The following RIMS2 variants were observed in gnomAD, a reference collection of about 807,000 sequenced individuals.
RIMS2 encodes regulating synaptic membrane exocytosis protein 2.
Under a neutral mutation model 174.4 loss-of-function variants are expected in RIMS2, and 59 were observed. The observed-to-expected ratio is 0.34, with a 90% confidence interval of 0.27 to 0.42. The LOEUF (loss-of-function observed/expected upper bound fraction) is 0.42. Ranked by LOEUF, RIMS2 falls within the 10% of genes least tolerant of loss-of-function variation. The pLI is 1.00. For missense variants in RIMS2, 1,620 were observed against 1,666.3 expected, an observed-to-expected ratio of 0.97 and a Z score of 0.48; for synonymous variants, 606 against 572.5, an observed-to-expected ratio of 1.06 and a Z score of -0.84.
At chr8:103,925,202 A>G (rs2078528734) in intron 10 of RIMS2, among the ~76,000 whole-genome samples, 1 of 151,614 alleles carries the variant, frequency 6.6e-6, no homozygotes, top group Non-Finnish European at 1.5e-5. Flanking sequence ...AGTTGATACT[A>G]TTGATAATCA....
chr8:103,880,517 G>T, intron 3 of RIMS2: 1 of 383,836 alleles, frequency 2.6e-6, no homozygotes. Context: ...ACTTAGTTTT[G>T]AAATAAAACA....
chr8:103,597,912 G>A (rs1370624755), intron 1 of RIMS2, among the ~76,000 whole-genome samples: 2 of 151,954 alleles, frequency 1.3e-5, no homozygotes, highest in South Asian at 2.1e-4. Flanking sequence ...GGCTATATCC[G>A]ATATTGCACT....
chr8:104,190,017 C>T (rs1362757096), intron 19 of RIMS2, among the ~76,000 whole-genome samples: 1 of 151,948 alleles, frequency 6.6e-6, no homozygotes, highest in African/African-American at 2.4e-5. Flanking sequence ...GAGTGACAGA[C>T]ACATATTACA....
intron 19 of RIMS2, among the ~76,000 whole-genome samples, chr8:104,183,211 A>T (rs1335383401): frequency 6.6e-6 from 1 of 151,700 alleles, no homozygotes; most frequent in Non-Finnish European, 1.5e-5. Context: ...AATTGATATA[A>T]TTTTTCTAAT....
chr8:103,697,200 A>C, exon 2 of RIMS2: 1 of 1,613,810 alleles, frequency 6.2e-7, no homozygotes, highest in Non-Finnish European at 8.5e-7. Context: ...TCTGCCACAA[A>C]ACAAAGTTTG....
At chr8:103,737,288 A>G (rs1266834761) in intron 2 of RIMS2, among the ~76,000 whole-genome samples, 1 of 137,594 alleles carries the variant, frequency 7.3e-6, no homozygotes, top group Non-Finnish European at 1.5e-5. Context: ...GGTTCAAGTG[A>G]TTCTCCTGCC....
chr8:104,041,040 G>A (rs2096599792), intron 19 of RIMS2, among the ~76,000 whole-genome samples: 1 of 151,580 alleles, frequency 6.6e-6, no homozygotes, highest in African/African-American at 2.4e-5. Flanking sequence ...TGGTGTTCAG[G>A]ATTTGCTGTA....
chr8:104,049,248 C>T (rs942503390), intron 19 of RIMS2, among the ~76,000 whole-genome samples: 11 of 151,868 alleles, frequency 7.2e-5, no homozygotes, highest in Non-Finnish European at 1.5e-5. Flanking sequence ...CGGTGAAACC[C>T]CATCTCTACT....
At chr8:104,187,139 A>T (rs1237320844) in intron 19 of RIMS2, among the ~76,000 whole-genome samples, 2 of 151,806 alleles carry the variant, frequency 1.3e-5, no homozygotes, top group Admixed American at 6.6e-5. Context: ...TTTGGAGATG[A>T]GGTAATCTAT....
downstream of RIMS2, chr8:104,254,026 T>G (rs1446508289): frequency 6.6e-6 from 1 of 152,238 alleles, no homozygotes; most frequent in Non-Finnish European, 1.5e-5. Context: ...TTAATAGACC[T>G]ATAGTGTCTA....
chr8:103,972,672 G>C (rs1338327328), intron 15 of RIMS2, among the ~76,000 whole-genome samples: 2 of 151,942 alleles, frequency 1.3e-5, no homozygotes, highest in Non-Finnish European at 2.9e-5. Flanking sequence ...GCTACCTTGG[G>C]GCCTTTTCAC....
chr8:104,241,207 T>G (rs2099291225), intron 19 of RIMS2, among the ~76,000 whole-genome samples: 1 of 152,144 alleles, frequency 6.6e-6, no homozygotes, highest in Admixed American at 6.6e-5. Flanking sequence ...TTAGTTATAT[T>G]CTGACAGTGA....
At position 103,931,288 on chromosome 8, in the gene RIMS2, G is replaced by A. The variant is rs1183573103; in HGVS notation, c.2270G>A (p.Gly757Asp). ...ATAAAACTATGGTTTGACAAGGTTGGTCACCAATTAATAGTTACAATTTTG... is the reference window on the plus strand; with the variant it reads ...ATAAAACTATGGTTTGACAAGGTTGATCACCAATTAATAGTTACAATTTTG... Residue 757 changes from glycine (G) to aspartate (D), a missense_variant, in exon 12 of 24, where the codon GGT (glycine) becomes GAT (aspartate). Transcript: ENST00000504942. 3 of 1,602,094 alleles carry A rather than the reference G, an allele frequency of 1.9e-6. No homozygotes were observed. The African/African-American group carries it at 4.0e-5, about 22-fold the overall frequency.
chr8:103,575,949 G>A (rs2093198990), intron 1 of RIMS2, among the ~76,000 whole-genome samples: 3 of 152,146 alleles, frequency 2.0e-5, no homozygotes, highest in Admixed American at 6.5e-5. Flanking sequence ...CAGTTCCCTA[G>A]CAGGAGACTG....
chr8:104,053,638 A>G (rs2096824585), intron 19 of RIMS2, among the ~76,000 whole-genome samples: 2 of 152,202 alleles, frequency 1.3e-5, no homozygotes, highest in South Asian at 2.1e-4. Flanking sequence ...TTGTTTTAAT[A>G]TGTAATTGAG....
intron 2 of RIMS2, among the ~76,000 whole-genome samples, chr8:103,753,508 A>C (rs898414287): frequency 6.6e-6 from 1 of 152,114 alleles, no homozygotes; most frequent in Admixed American, 6.6e-5. Context: ...TTTCAGAAGG[A>C]ATGGTACCAG....
intron 2 of RIMS2, among the ~76,000 whole-genome samples, chr8:103,706,360 T>C (rs2137709811): frequency 6.6e-6 from 1 of 152,286 alleles, no homozygotes; most frequent in African/African-American, 2.4e-5. Context: ...TAGTGTAGTC[T>C]GAATTTGTCT....
intron 5 of RIMS2, 30 bp downstream of exon 8, chr8:103,910,559 C>A (rs1317416793): frequency 7.3e-7 from 1 of 1,369,356 alleles, no homozygotes; most frequent in South Asian, 1.2e-5. Context: ...TGCCTTTTAA[C>A]CTGCTCATTT....
intron 10 of RIMS2, among the ~76,000 whole-genome samples, chr8:103,927,179 C>T (rs2078936911): frequency 6.6e-6 from 1 of 151,452 alleles, no homozygotes; most frequent in South Asian, 2.1e-4. Context: ...TAGCAGTAAG[C>T]AGTGTTATCT....
Sources: allele counts gnomAD v4.1 joint callset (sites outside exome capture counted in the v4.1 genomes callset), GRCh38; gene constraint gnomAD v4.1.1; transcripts MANE v1.5; gene names NCBI Gene and HGNC (gene_info 2026-07-23, HGNC 2026-07-21).